LRP2: variants seen among roughly 807,000 people sequenced by gnomAD.
LRP2 encodes low-density lipoprotein receptor-related protein 2.
A neutral mutation model predicts 531.0 loss-of-function variants in LRP2; 172 were observed. The observed-to-expected ratio is 0.32, with a 90% CI of 0.29 to 0.37. The LOEUF (loss-of-function observed/expected upper bound fraction) is 0.37, where lower values mean the gene tolerates loss of function less well. Among genes scored for constraint, LRP2 ranks in the 10% least tolerant of loss-of-function variants. LRP2 has a pLI of 1.00. For missense variants in LRP2, 5,167 were observed against 5,868.3 expected (o/e 0.88, Z 3.90); for synonymous variants, 1,992 against 2,027.6 (o/e 0.98, Z 0.47).
chr2:169,270,870 TACACAC>T, intron 16 of LRP2, 28 bp downstream of exon 16: 13 of 1,392,110 alleles, frequency 9.3e-6, no homozygotes, highest in Non-Finnish European at 1.3e-5. Context: ...AAAACACGCA[TACACAC>T]ACACACACAC....
chr2:169,274,911 C>A (rs1404325829), intron 14 of LRP2, 125 bp downstream of exon 14: 1 of 896,752 alleles, frequency 1.1e-6, no homozygotes, highest in Non-Finnish European at 1.8e-6. Flanking sequence ...TCTGGGTAAC[C>A]CTTCATATAC....
intron 14 of LRP2, 100 bp from the exon 15 acceptor site, chr2:169,273,167 A>G: frequency 2.2e-6 from 3 of 1,340,398 alleles, no homozygotes; most frequent in Non-Finnish European, 3.2e-6. Context: ...GGTGAAATAG[A>G]GTAATGGATT....
At position 169,170,447 on chromosome 2, in the gene LRP2, T is replaced by C. The variant is rs190182853; in HGVS notation, c.11380+104A>G. 1.6e-4 allele frequency: 138 copies of C among 844,604 alleles called. 3 individuals are homozygous for C. In the African/African-American group the frequency reaches 2.0e-3, roughly 12 times the overall value. The allele number at this position is 844,604 out of a possible 1,614,324, so 52.3% of individuals were successfully genotyped here. A position where few individuals can be genotyped will look rare whatever the true frequency, so the allele number is the denominator to read the frequency against. On this transcript the variant is annotated intron_variant, in intron 59 of 78. Transcript: ENST00000649046. ...TATGCTAAGGTTTACATATTACACA[T>C]ATACAAAAATAATTTTCCTCTAAAA...
chr2:169,158,073 C>T (rs1195484357), intron 63 of LRP2, among the ~76,000 whole-genome samples: 7 of 150,582 alleles, frequency 4.6e-5, no homozygotes, highest in African/African-American at 1.7e-4. Context: ...CACACACACA[C>T]ACACACACAC....
intron 33 of LRP2, 43 bp from the exon 34 acceptor site, chr2:169,220,606 G>T: frequency 1.5e-6 from 2 of 1,318,954 alleles, no homozygotes; most frequent in Non-Finnish European, 2.2e-6. Flanking sequence ...TTCATAAGGG[G>T]AACCAAAGGA....
In LRP2 at chr2:169,268,240, A is replaced by C. The variant is rs1256936625; in HGVS notation, c.2320+2664T>G. 2.6e-5 allele frequency among the ~76,000 whole-genome samples: 4 copies of C among 152,110 alleles called. No homozygotes were observed. In the East Asian group the frequency reaches 7.7e-4, roughly 29 times the overall value. On this transcript the variant is annotated intron_variant, in intron 16 of 78. Transcript: ENST00000649046. ...CCAATCAAAGCAAAAAGAGGGAATC[A>C]TCCCTAATTCATTTTATGAGGCCAA...
chr2:169,282,675 C>T lies in LRP2; in HGVS notation c.1171+198G>A, dbSNP rs112221170. Among the ~76,000 whole-genome samples, 1,334 of 152,250 alleles carry T rather than the reference C, an allele frequency of 8.8e-3. 19 individuals carry two copies. Among genetic ancestry groups the T allele is most frequent in the African/African-American group, 0.031 (1,279 of 41,528 alleles). ...ATTAATAATGGTCACCATTAGTCGA[C>T]AAATTGGTCCTTAATAATCAAAGTA... On this transcript the variant is annotated intron_variant, in intron 10 of 78. Coordinates refer to ENST00000649046, the MANE Select transcript of LRP2 (RefSeq NM_004525.3).
chr2:169,184,539 C>T (rs1483293569), intron 50 of LRP2, among the ~76,000 whole-genome samples: 1 of 152,160 alleles, frequency 6.6e-6, no homozygotes, highest in Non-Finnish European at 1.5e-5. Context: ...GACCACAAAG[C>T]CAATTAGTTT....
At chr2:169,213,955 T>C (rs1688686866) in intron 35 of LRP2, 85 bp from the exon 36 acceptor site, 5 of 902,944 alleles carry the variant, frequency 5.5e-6, no homozygotes, top group African/African-American at 1.7e-5. Context: ...CTAATTATAA[T>C]GTCTCACATT....
intron 62 of LRP2, among the ~76,000 whole-genome samples, chr2:169,164,613 C>T (rs1225743070): frequency 2.0e-5 from 3 of 152,154 alleles, no homozygotes; most frequent in Admixed American, 2.0e-4. Context: ...CCTGCCTTGG[C>T]AACCTTGAAT....
At chr2:169,361,635 A>G (rs1686167478) in intron 1 of LRP2, among the ~76,000 whole-genome samples, 1 of 152,086 alleles carries the variant, frequency 6.6e-6, no homozygotes, top group East Asian at 1.9e-4. Context: ...TCTGCATTCG[A>G]TCCCCAAAAC....
chr2:169,262,016 C>A (rs912351952), intron 16 of LRP2, among the ~76,000 whole-genome samples: 1 of 151,754 alleles, frequency 6.6e-6, no homozygotes, highest in Non-Finnish European at 1.5e-5. Context: ...TCAATAGATG[C>A]AGAAAAGGCC....
chr2:169,247,863 C>A (rs185188259), intron 19 of LRP2, among the ~76,000 whole-genome samples: 2 of 152,216 alleles, frequency 1.3e-5, no homozygotes, highest in African/African-American at 4.8e-5. Context: ...AGGTCTGCAC[C>A]CGCTAAAGCA....
Position 169,216,249 on chromosome 2 carries a change from A to G in LRP2, c.5826+4T>C. On this transcript the variant is annotated splice_donor_region_variant and intron_variant, in intron 35 of 78. Transcript: ENST00000649046. ...AGACCAAAAGACTGAAAGGGTGCTCATACCACTCCTCTTCCAGTGACTGCC... is the reference window on the plus strand; with the variant it reads ...AGACCAAAAGACTGAAAGGGTGCTCGTACCACTCCTCTTCCAGTGACTGCC... 6.2e-7 allele frequency: 1 copy of G among 1,613,242 alleles called. No homozygotes were observed. Among genetic ancestry groups the G allele is most frequent in the Non-Finnish European group, 8.5e-7 (1 of 1,179,440 alleles).
At position 169,261,183 on chromosome 2, in the gene LRP2, G is replaced by A. The variant is rs575850087; in HGVS notation, c.2321-1966C>T. Among the ~76,000 whole-genome samples, 7 of 152,108 alleles carry A rather than the reference G, an allele frequency of 4.6e-5. No individual in the cohort carries two copies. In the South Asian group the frequency reaches 1.0e-3, roughly 23 times the overall value. On this transcript the variant is annotated intron_variant, in intron 16 of 78. Coordinates refer to ENST00000649046, the MANE Select transcript of LRP2 (RefSeq NM_004525.3). ...AAGAGGAACATGGAGTGAAGGGTAA[G>A]TTGCATATTTTTTAGGATGGGAGAA... is the stretch of plus-strand genomic sequence containing the variant.
At chr2:169,325,632 A>C (rs577726487) in intron 1 of LRP2, among the ~76,000 whole-genome samples, 1 of 152,196 alleles carries the variant, frequency 6.6e-6, no homozygotes, top group African/African-American at 2.4e-5. Context: ...AATTGTATGG[A>C]GCACTCTACC....
intron 18 of LRP2, among the ~76,000 whole-genome samples, chr2:169,256,841 C>A (rs1207177792): frequency 2.6e-5 from 4 of 152,116 alleles, no homozygotes; most frequent in African/African-American, 9.7e-5. Context: ...ACCCACCTCC[C>A]CCATCTTGAG....
chr2:169,169,906 A>C, intron 59 of LRP2, 88 bp from the exon 60 acceptor site: 1 of 884,904 alleles, frequency 1.1e-6, no homozygotes, highest in Middle Eastern at 2.3e-4. Flanking sequence ...ACTCCATCAC[A>C]TTCCTATCTA....
chr2:169,277,029 T>C (rs1683574190), intron 13 of LRP2, among the ~76,000 whole-genome samples: 1 of 151,888 alleles, frequency 6.6e-6, no homozygotes, highest in African/African-American at 2.4e-5. Context: ...ATTTTATCTC[T>C]ACTAAAAATA....
Sources: allele counts gnomAD v4.1 joint callset (sites outside exome capture counted in the v4.1 genomes callset), GRCh38; gene constraint gnomAD v4.1.1; transcripts MANE v1.5; gene names NCBI Gene and HGNC (gene_info 2026-07-23, HGNC 2026-07-21).